The following CLGN variants were observed in gnomAD, a reference collection of about 807,000 sequenced individuals.
CLGN encodes calmegin.
A neutral mutation model predicts 79.1 loss-of-function variants in CLGN; 62 were observed. The observed-to-expected ratio is 0.78, with a 90% CI of 0.64 to 0.97. The LOEUF (loss-of-function observed/expected upper bound fraction) is 0.97, where lower values mean the gene tolerates loss of function less well. CLGN is among the 50% of genes least tolerant of loss of function. The probability of loss-of-function intolerance (pLI) is 0.00; values close to 1 mark genes in which losing one functional copy is unlikely to be tolerated. For missense variants in CLGN, 647 were observed against 715.5 expected (o/e 0.90, Z 1.09); for synonymous variants, 225 against 224.7 (o/e 1.00, Z -0.01).
At chr4:140,396,917 A>ACATATATATATATATATG (rs1553944671) in intron 8 of CLGN, among the ~76,000 whole-genome samples, 1 of 133,878 alleles carries the variant, frequency 7.5e-6, no homozygotes, top group African/African-American at 3.1e-5. Flanking sequence ...GTATATATAT[A>ACATATATATATATATATG]TATATACACA....
At chr4:140,391,666 C>T (rs939644415) in intron 13 of CLGN, among the ~76,000 whole-genome samples, 2 of 151,766 alleles carry the variant, frequency 1.3e-5, no homozygotes, top group Admixed American at 6.6e-5. Flanking sequence ...GAGGTCTCAG[C>T]GGACAGCCAC....
At chr4:140,415,456 A>G (rs1729309858) in intron 1 of CLGN, among the ~76,000 whole-genome samples, 1 of 152,050 alleles carries the variant, frequency 6.6e-6, no homozygotes, top group Non-Finnish European at 1.5e-5. Flanking sequence ...CAGGAAACCC[A>G]TCTCACGTGC....
Position 140,413,005 on chromosome 4 carries a change from T to C in CLGN, c.74A>G (p.Asp25Gly). 6.2e-7 allele frequency: 1 copy of C among 1,613,392 alleles called. No homozygotes were observed. Among genetic ancestry groups the C allele is most frequent in the Non-Finnish European group, 8.5e-7 (1 of 1,179,510 alleles). Residue 25 changes from aspartate to glycine, a missense_variant, in exon 2 of 15, where the codon GAT (aspartate) becomes GGT (glycine). Physicochemically the swap from Asp to Gly is moderately conservative, Grantham distance 94 (BLOSUM62 -1). Transcript: ENST00000325617. ...TTCTTCAAAGTCTTCCGTCTCAACA[T>C]CATCATCCATAAATTCTGCATTAAT... ...ISINAEFMDD[D>G]VETEDFEENS...
chr4:140,419,875 T>A (rs17005868), intron 1 of CLGN, among the ~76,000 whole-genome samples: 1 of 152,096 alleles, frequency 6.6e-6, no homozygotes, highest in Non-Finnish European at 1.5e-5. Flanking sequence ...TTCCTAGTTA[T>A]TGGCACAGAA....
intron 8 of CLGN, among the ~76,000 whole-genome samples, chr4:140,396,749 G>A (rs1367166154): frequency 6.6e-6 from 1 of 150,508 alleles, no homozygotes; most frequent in East Asian, 1.9e-4. Context: ...GTAGAGATGG[G>A]GTTTCACTAT....
chr4:140,407,219 C>T (rs553564005), intron 4 of CLGN, among the ~76,000 whole-genome samples: 4 of 152,060 alleles, frequency 2.6e-5, no homozygotes, highest in Admixed American at 2.6e-4. Flanking sequence ...GGTTTTCTTT[C>T]TCTCACATTG....
intron 5 of CLGN, among the ~76,000 whole-genome samples, chr4:140,403,902 T>A (rs549634097): frequency 1.7e-3 from 255 of 152,236 alleles, no homozygotes; most frequent in Middle Eastern, 3.4e-3. Flanking sequence ...AACCTTAATT[T>A]CTTTAGAGTA....
At chr4:140,401,952 A>T in intron 6 of CLGN, 33 bp downstream of exon 6, 1 of 1,172,132 alleles carries the variant, frequency 8.5e-7, no homozygotes, top group Non-Finnish European at 1.2e-6. Flanking sequence ...TATTAACTTT[A>T]ATAAGGTTTT....
intron 1 of CLGN, among the ~76,000 whole-genome samples, chr4:140,417,357 T>C (rs572869059): frequency 2.3e-4 from 33 of 142,786 alleles, no homozygotes; most frequent in East Asian, 1.6e-3. Flanking sequence ...CCAGGGCAAT[T>C]AGGCAGGAGA....
intron 10 of CLGN, 62 bp from the exon 11 acceptor site, chr4:140,394,103 A>T: frequency 6.1e-6 from 7 of 1,150,410 alleles, no homozygotes; most frequent in Non-Finnish European, 8.8e-6. Context: ...ATGCTGCTTA[A>T]TAAGTAGCTG....
chr4:140,406,655 A>G lies in CLGN; in HGVS notation c.278-572T>C, dbSNP rs60916120. Among the ~76,000 whole-genome samples, 737 of 152,346 alleles carry G rather than the reference A, an allele frequency of 4.8e-3. 5 individuals are homozygous for G. Among genetic ancestry groups the G allele is most frequent in the African/African-American group, 0.017 (703 of 41,584 alleles). On this transcript the variant is annotated intron_variant, in intron 4 of 14. Transcript: ENST00000325617. ...GAACTTTTGGCCAGGAAGGCAGCAA[A>G]GCACTGCATAAGTGCTAAGCTACAA...
chr4:140,393,054 C>T (rs897320572), intron 11 of CLGN, among the ~76,000 whole-genome samples: 18 of 152,036 alleles, frequency 1.2e-4, no homozygotes, highest in African/African-American at 3.6e-4. Context: ...ATCATTCATT[C>T]TGTACTCTGA....
At chr4:140,389,351 C>G (rs1429295571) in intron 14 of CLGN, 47 bp from the exon 15 acceptor site, 29 of 1,340,316 alleles carry the variant, frequency 2.2e-5, no homozygotes, top group Non-Finnish European at 3.0e-5. Flanking sequence ...TAACACATAA[C>G]TAGTAGATAG....
intron 4 of CLGN, among the ~76,000 whole-genome samples, chr4:140,408,367 G>T (rs1578601509): frequency 1.3e-5 from 2 of 152,086 alleles, no homozygotes; most frequent in Admixed American, 1.3e-4. Flanking sequence ...CACAGCGAAA[G>T]AAATAATCAT....
At position 140,390,709 on chromosome 4, in the gene CLGN, C is replaced by T; in HGVS notation, c.1671G>A (p.Glu557=). Residue 557 remains glutamate, a synonymous_variant, in exon 14 of 15, where the codon GAG becomes GAA. Coordinates refer to ENST00000325617, the MANE Select transcript of CLGN (RefSeq NM_004362.3). ...MLEKEEESEP[E]EKSEEEIEII... ...TTTCAATTTCTTCTTCACTCTTTTC[C>T]TCAGGTTCACTTTCCTCTTCTAGAA... 1 of 1,601,614 alleles carries T rather than the reference C, an allele frequency of 6.2e-7. No individual in the cohort carries two copies. Among genetic ancestry groups the T allele is most frequent in the Non-Finnish European group, 8.5e-7 (1 of 1,173,054 alleles).
At chr4:140,417,068 T>C (rs1219821060) in intron 1 of CLGN, among the ~76,000 whole-genome samples, 1 of 148,548 alleles carries the variant, frequency 6.7e-6, no homozygotes, top group Non-Finnish European at 1.5e-5. Context: ...ATAAATGTAA[T>C]CCAGCATATA....
chr4:140,424,636 A>C (rs1729528355), intron 1 of CLGN, among the ~76,000 whole-genome samples: 2 of 152,152 alleles, frequency 1.3e-5, no homozygotes, highest in South Asian at 4.2e-4. Flanking sequence ...TTTAGTGCTA[A>C]TGTCACCCTC....
chr4:140,406,185 C>T, intron 4 of CLGN, 102 bp from the exon 5 acceptor site: 4 of 1,158,046 alleles, frequency 3.5e-6, no homozygotes, highest in Admixed American at 2.8e-5. Context: ...GGAAGCCTGA[C>T]TTGGGAAAAA....
At position 140,394,040 on chromosome 4, in the gene CLGN, C is replaced by G; in HGVS notation, c.1151G>C (p.Gly384Ala). 1.2e-6 allele frequency: 2 copies of G among 1,600,234 alleles called. No individual in the cohort carries two copies. Among genetic ancestry groups the G allele is most frequent in the Middle Eastern group, 1.7e-4 (1 of 6,028 alleles). The part of the protein sequence containing the change: ...PPLVDNPNYQ[G>A]IWSPRKIPNP... ...AGGAATTTTTCGAGGACTCCAGATT[C>G]CCTGGAAGAAAAGTAATTGAAGACA... Residue 384 changes from glycine (G) to alanine (A), a missense_variant and splice_region_variant, in exon 11 of 15, where the codon GGA (glycine) becomes GCA (alanine). Transcript: ENST00000325617.
Sources: gnomAD v4.1 joint callset for allele counts (sites outside exome capture counted in the v4.1 genomes callset) on GRCh38, gnomAD v4.1.1 for gene constraint, MANE v1.5 for transcripts, NCBI Gene and HGNC (gene_info 2026-07-23, HGNC 2026-07-21) for gene names.